ITGA1: variants seen among roughly 807,000 people sequenced by gnomAD.
ITGA1 encodes the protein integrin alpha-1.
A neutral mutation model predicts 145.9 loss-of-function variants in ITGA1; 85 were observed. That is an observed-to-expected ratio of 0.58 (90% CI 0.49 to 0.70). The LOEUF (loss-of-function observed/expected upper bound fraction) is 0.70, where lower values mean the gene tolerates loss of function less well. Among genes scored for constraint, ITGA1 ranks in the 30% least tolerant of loss-of-function variants. The probability of loss-of-function intolerance (pLI) is 0.00; values close to 1 mark genes in which losing one functional copy is unlikely to be tolerated. For missense variants in ITGA1, 1,351 were observed against 1,418.7 expected, an observed-to-expected ratio of 0.95 and a Z score of 0.77; for synonymous variants, 520 against 495.3, an observed-to-expected ratio of 1.05 and a Z score of -0.66.
intron 6 of ITGA1, among the ~76,000 whole-genome samples, chr5:52,868,076 C>T (rs2111781711): frequency 6.6e-6 from 1 of 152,230 alleles, no homozygotes; most frequent in South Asian, 2.1e-4. Flanking sequence ...CACTTTTGCC[C>T]ATGATGTGCT....
At chr5:52,814,047 C>T (rs998060075) in intron 1 of ITGA1, among the ~76,000 whole-genome samples, 23 of 152,164 alleles carry the variant, frequency 1.5e-4, no homozygotes, top group African/African-American at 5.5e-4. Flanking sequence ...ACTGGCAGGA[C>T]TCCAGATCCT....
chr5:52,911,110 A>G (rs552534697), intron 14 of ITGA1, among the ~76,000 whole-genome samples: 1 of 133,440 alleles, frequency 7.5e-6, no homozygotes, highest in Non-Finnish European at 1.6e-5. Context: ...GTGTATATAT[A>G]GTATATAGTG....
chr5:52,912,891 C>T (rs1245071404), intron 14 of ITGA1, among the ~76,000 whole-genome samples: 5 of 151,846 alleles, frequency 3.3e-5, no homozygotes, highest in Non-Finnish European at 2.9e-5. Flanking sequence ...GGACTACAGG[C>T]TCCCGCCACC....
intron 18 of ITGA1, 38 bp from the exon 19 acceptor site, chr5:52,925,239 AG>A (rs762109887): frequency 1.3e-6 from 2 of 1,493,382 alleles, no homozygotes; most frequent in South Asian, 2.3e-5. Context: ...AACAATGCGT[AG>A]CTAAATTTTG....
In ITGA1 at chr5:52,861,495, A is replaced by T; in HGVS notation, c.231A>T (p.Gly77=). The T allele has an allele frequency of 6.2e-7, 1 of 1,613,914 alleles. No homozygotes were observed. Among genetic ancestry groups the T allele is most frequent in the South Asian group, 1.1e-5 (1 of 91,068 alleles). ...PLVGQPKNRT[G]DVYKCPVGRG... is the part of the protein sequence containing the mutation. Reference sequence around the variant, plus strand: ...TTGGCCAACCCAAAAACAGAACTGGAGATGTCTATAAGTGTCCAGTTGGGA... The same window carrying T: ...TTGGCCAACCCAAAAACAGAACTGGTGATGTCTATAAGTGTCCAGTTGGGA... The change falls in exon 3 of 29, where the codon GGA becomes GGT. Residue 77 remains glycine, a synonymous_variant. Coordinates refer to ENST00000282588, the MANE Select transcript of ITGA1 (RefSeq NM_181501.2).
intron 8 of ITGA1, among the ~76,000 whole-genome samples, chr5:52,890,684 T>A (rs6870949): frequency 6.6e-6 from 1 of 152,104 alleles, no homozygotes; most frequent in Non-Finnish European, 1.5e-5. Flanking sequence ...ATCTGGGCAA[T>A]TGGAATATCC....
rs1268726445 is a variant in ITGA1, at chr5:52,937,455, C to T, written c.3019C>T (p.Pro1007Ser). Reference sequence around the variant, plus strand: ...AGAGCTTAAGCTGTCAATTTCATTCCCCAATATGACATCAAATGGTTACCC... The same window carrying T: ...AGAGCTTAAGCTGTCAATTTCATTCTCCAATATGACATCAAATGGTTACCC... ...MPELKLSISF[P>S]NMTSNGYPVL... Residue 1007 changes from proline to serine, a missense_variant, in exon 24 of 29, where the codon CCC (proline) becomes TCC (serine). Transcript: ENST00000282588. 1 of 1,613,712 alleles carries T rather than the reference C, an allele frequency of 6.2e-7. No homozygotes were observed. The highest frequency in any genetic ancestry group is 2.2e-5 in the East Asian group (1 of 44,824).
chr5:52,845,178 G>A (rs2111744173), intron 1 of ITGA1, among the ~76,000 whole-genome samples: 1 of 152,270 alleles, frequency 6.6e-6, no homozygotes, highest in South Asian at 2.1e-4. Context: ...TTATGTTGAG[G>A]AGGGGGTACC....
At chr5:52,805,998 C>G (rs754641007) in intron 1 of ITGA1, among the ~76,000 whole-genome samples, 1 of 152,022 alleles carries the variant, frequency 6.6e-6, no homozygotes, top group Non-Finnish European at 1.5e-5. Flanking sequence ...AAGTGAAGAG[C>G]TGAAGAGCAA....
rs571620763 is a variant in ITGA1, at chr5:52,913,477, T to C, written c.1858-1987T>C. ...GAACTTCTGTTATTCCTGTTTGTAATTTGTTGTCAGTTAACAGCTCTAATC... is the reference window on the plus strand; with the variant it reads ...GAACTTCTGTTATTCCTGTTTGTAACTTGTTGTCAGTTAACAGCTCTAATC... On this transcript the variant is annotated intron_variant, in intron 14 of 28. Coordinates refer to ENST00000282588, the MANE Select transcript of ITGA1 (RefSeq NM_181501.2). Among the ~76,000 whole-genome samples, 24 of 152,342 alleles carry C rather than the reference T, an allele frequency of 1.6e-4. No homozygotes were observed. The South Asian group carries it at 4.8e-3, about 30-fold the overall frequency.
At chr5:52,898,089 A>G (rs1750257437) in intron 10 of ITGA1, 150 bp from the exon 11 acceptor site, 5 of 453,934 alleles carry the variant, frequency 1.1e-5, no homozygotes, top group African/African-American at 4.0e-5. Flanking sequence ...TAGCAATAGC[A>G]TCTAACTCAT....
At chr5:52,912,429 G>T (rs1223335861) in intron 14 of ITGA1, among the ~76,000 whole-genome samples, 32 of 126,032 alleles carry the variant, frequency 2.5e-4, no homozygotes, top group South Asian at 1.1e-3. Context: ...ATCCACTATA[G>T]GTATTATATA....
At chr5:52,822,927 G>A (rs192289796) in intron 1 of ITGA1, among the ~76,000 whole-genome samples, 5 of 152,266 alleles carry the variant, frequency 3.3e-5, no homozygotes, top group Admixed American at 3.3e-4. Flanking sequence ...GGGCATCAGT[G>A]TTCTCATCAT....
chr5:52,826,354 T>G (rs975299615), intron 1 of ITGA1, among the ~76,000 whole-genome samples: 4 of 152,158 alleles, frequency 2.6e-5, no homozygotes, highest in African/African-American at 7.2e-5. Flanking sequence ...CTAGCAGAGG[T>G]TGGTTCATGA....
intron 1 of ITGA1, among the ~76,000 whole-genome samples, chr5:52,828,276 A>G (rs1749001615): frequency 6.6e-6 from 1 of 152,176 alleles, no homozygotes; most frequent in South Asian, 2.1e-4. Flanking sequence ...CCAACAATAT[A>G]TGAGAGTTCC....
chr5:52,852,225 T>C (rs1241033761), intron 2 of ITGA1, among the ~76,000 whole-genome samples: 1 of 152,144 alleles, frequency 6.6e-6, no homozygotes, highest in Non-Finnish European at 1.5e-5. Context: ...ATGGCAGATC[T>C]TGAAAGACAA....
chr5:52,794,052 G>C (rs1254276287), intron 1 of ITGA1, among the ~76,000 whole-genome samples: 4 of 151,904 alleles, frequency 2.6e-5, no homozygotes, highest in Non-Finnish European at 4.4e-5. Context: ...ATGCTGGTTG[G>C]TGTTAGGAAT....
At chr5:52,851,282 T>C (rs1476926839) in intron 2 of ITGA1, among the ~76,000 whole-genome samples, 1 of 152,222 alleles carries the variant, frequency 6.6e-6, no homozygotes, top group East Asian at 1.9e-4. Flanking sequence ...CTTAATTATA[T>C]GAATGAACCT....
rs1749721446 is a variant in ITGA1, at chr5:52,868,307, G to A, written c.624+2490G>A. On this transcript the variant is annotated intron_variant, in intron 6 of 28. Transcript: ENST00000282588. ...TGCAGCTGTGACATGTCTGAAGTTG[G>A]TCCACAACTTTAGAAAGAAAATCCA... 5.3e-5 allele frequency among the ~76,000 whole-genome samples: 8 copies of A among 152,052 alleles called. No individual in the cohort carries two copies. In the South Asian group the frequency reaches 1.7e-3, roughly 32 times the overall value.
Sources: gnomAD v4.1 joint callset for allele counts (sites outside exome capture counted in the v4.1 genomes callset) on GRCh38, gnomAD v4.1.1 for gene constraint, MANE v1.5 for transcripts, NCBI Gene and HGNC (gene_info 2026-07-23, HGNC 2026-07-21) for gene names.